The following DOCK8 variants were observed in gnomAD, a reference collection of about 807,000 sequenced individuals.
DOCK8 encodes the protein dedicator of cytokinesis protein 8.
Under a neutral mutation model 245.6 loss-of-function variants are expected in DOCK8, and 141 were observed. The ratio of observed to expected loss-of-function variants is 0.57; its 90% CI spans 0.50 to 0.66. The LOEUF is 0.66. DOCK8 is among the 30% of genes least tolerant of loss of function. DOCK8 has a pLI of 0.00. For synonymous variants in DOCK8, 1,168 were observed against 970.2 expected (o/e 1.20, Z -3.79); for missense variants, 2,965 against 2,603.4 (o/e 1.14, Z -3.02).
chr9:239,255 T>C (rs2047328893), intron 1 of DOCK8, among the ~76,000 whole-genome samples: 1 of 152,198 alleles, frequency 6.6e-6, no homozygotes, highest in Admixed American at 6.5e-5. Context: ...CACTTAATGC[T>C]AAACTTGAAA....
intron 14 of DOCK8, among the ~76,000 whole-genome samples, chr9:356,332 T>C (rs1364094251): frequency 6.6e-6 from 1 of 151,950 alleles, no homozygotes; most frequent in African/African-American, 2.4e-5. Flanking sequence ...ATTGAGACCA[T>C]CCTGGCTAAC....
intron 1 of DOCK8, among the ~76,000 whole-genome samples, chr9:219,110 A>C (rs551905186): frequency 6.1e-4 from 93 of 152,218 alleles, no homozygotes; most frequent in Non-Finnish European, 1.2e-3. Flanking sequence ...ACATTTATTA[A>C]TTATTTACTA....
At chr9:265,199 T>G (rs971972251) in intron 1 of DOCK8, among the ~76,000 whole-genome samples, 1 of 152,154 alleles carries the variant, frequency 6.6e-6, no homozygotes, top group African/African-American at 2.4e-5. Context: ...CCCAAAGTGC[T>G]GGGATTACAG....
chr9:223,622 C>CT lies in DOCK8; in HGVS notation c.53+8606dup, dbSNP rs113604836. On this transcript the variant is annotated intron_variant, in intron 1 of 47. Transcript: ENST00000432829. ...AAAAAGAAACTTGGTGTTTTAAAAT[C>CT]TTTTTTTTTTTTTAGGGAGAATCTG... is the stretch of plus-strand genomic sequence containing the variant. Among the ~76,000 whole-genome samples, 843 of 140,150 alleles carry CT rather than the reference C, an allele frequency of 6.0e-3. 8 individuals are homozygous for CT. Among genetic ancestry groups the CT allele is most frequent in the East Asian group, 0.054 (266 of 4,902 alleles). The allele number at this position is 140,150 out of a possible 152,430, so 91.9% of individuals were successfully genotyped here.
At chr9:455,524 A>G (rs1196161174) in intron 46 of DOCK8, among the ~76,000 whole-genome samples, 1 of 152,108 alleles carries the variant, frequency 6.6e-6, no homozygotes, top group Non-Finnish European at 1.5e-5. Flanking sequence ...AAAGAAAAAG[A>G]AAAATGCAGA....
chr9:318,673 G>A lies in DOCK8; in HGVS notation c.827+1545G>A, dbSNP rs148719197. ...AAACCAGCTGAGTGTCAAGTAATGG[G>A]CACAGAAAAGCAAGCTCTTGCCCTT... On this transcript the variant is annotated intron_variant, in intron 7 of 47. Coordinates refer to ENST00000432829, the MANE Select transcript of DOCK8 (RefSeq NM_203447.4). Among the ~76,000 whole-genome samples, 20 of 152,324 alleles carry A rather than the reference G, an allele frequency of 1.3e-4. No homozygotes were observed. In the East Asian group the frequency reaches 3.1e-3, roughly 23 times the overall value.
chr9:400,716 T>C (rs866552761), intron 26 of DOCK8, among the ~76,000 whole-genome samples: 67 of 2,986 alleles, frequency 0.022, no homozygotes, highest in East Asian at 0.12. Context: ...ACCTCCACCA[T>C]CACCACCACC....
chr9:345,694 C>A (rs797000415), intron 14 of DOCK8, among the ~76,000 whole-genome samples: 72 of 152,204 alleles, frequency 4.7e-4, no homozygotes, highest in African/African-American at 1.6e-3. Flanking sequence ...CCTCCCACCT[C>A]TTCACTGCCT....
chr9:244,804 C>G (rs182220815), intron 1 of DOCK8, among the ~76,000 whole-genome samples: 75 of 152,008 alleles, frequency 4.9e-4, no homozygotes, highest in African/African-American at 1.8e-3. Context: ...CACCATAGCT[C>G]GTGAAGGCCC....
At chr9:439,125 T>C in intron 39 of DOCK8, 120 bp from the exon 40 acceptor site, 2 of 1,267,630 alleles carry the variant, frequency 1.6e-6, no homozygotes, top group Non-Finnish European at 2.3e-6. Flanking sequence ...AGACCTAGTT[T>C]AGTCACGGTC....
chr9:314,488 G>C (rs2050260259), intron 6 of DOCK8: 1 of 152,210 alleles, frequency 6.6e-6, no homozygotes, highest in East Asian at 1.9e-4. Context: ...GAGGAACTTT[G>C]TTTTATGATC....
chr9:211,317 G>A (rs2046616803), upstream of DOCK8, among the ~76,000 whole-genome samples: 1 of 152,082 alleles, frequency 6.6e-6, no homozygotes, highest in Non-Finnish European at 1.5e-5. Context: ...CAACAGAAAG[G>A]TAAAGAATAA....
At chr9:311,880 G>T in intron 5 of DOCK8, 74 bp from the exon 6 acceptor site, 1 of 1,567,678 alleles carries the variant, frequency 6.4e-7, no homozygotes, top group South Asian at 1.1e-5. Flanking sequence ...GCAGTCTTGA[G>T]ACATCCAAGA....
At chr9:365,589 A>G (rs916584069) in intron 14 of DOCK8, 13 of 440,714 alleles carry the variant, frequency 2.9e-5, no homozygotes, top group Non-Finnish European at 4.9e-5. Context: ...TTTTTTTTTC[A>G]GAGAAGTCTT....
rs1057439175 is a variant in DOCK8 at position 232,694 on chromosome 9, A to G, written c.53+17665A>G. 1.2e-4 allele frequency among the ~76,000 whole-genome samples: 19 copies of G among 152,236 alleles called. No homozygotes were observed. In the East Asian group the frequency reaches 3.3e-3, roughly 26 times the overall value. ...CTAGTTTATTTGCAAAGAGGTGTTT[A>G]TAGTATTCTCTGATGGTAGTTTGTA... On this transcript the variant is annotated intron_variant, in intron 1 of 47. Transcript: ENST00000432829.
chr9:435,978 A>G (rs907416653), intron 39 of DOCK8, among the ~76,000 whole-genome samples: 14 of 152,214 alleles, frequency 9.2e-5, no homozygotes, highest in Non-Finnish European at 1.3e-4. Context: ...TTGAATTTAC[A>G]TGGCTGATTT....
At chr9:307,367 T>G (rs1586658765) in intron 5 of DOCK8, among the ~76,000 whole-genome samples, 4 of 118,168 alleles carry the variant, frequency 3.4e-5, no homozygotes, top group East Asian at 4.6e-4. Flanking sequence ...TTTTTTTTTT[T>G]TTTTTTTTTG....
intron 2 of DOCK8, among the ~76,000 whole-genome samples, chr9:275,745 C>G (rs1312556085): frequency 1.3e-5 from 2 of 152,176 alleles, no homozygotes; most frequent in African/African-American, 2.4e-5. Flanking sequence ...TGCACCACCA[C>G]AACTGGCTAA....
intron 4 of DOCK8, among the ~76,000 whole-genome samples, chr9:301,388 C>G (rs1050626987): frequency 1.3e-5 from 2 of 152,204 alleles, no homozygotes; most frequent in African/African-American, 4.8e-5. Flanking sequence ...CAGCCAACAT[C>G]ATACTGAGTG....
Sources: gnomAD v4.1 joint callset for allele counts (sites outside exome capture counted in the v4.1 genomes callset) on GRCh38, gnomAD v4.1.1 for gene constraint, MANE v1.5 for transcripts, NCBI Gene and HGNC (gene_info 2026-07-23, HGNC 2026-07-21) for gene names.